Variants in PTPRQ observed in about 807,000 individuals in gnomAD.
PTPRQ encodes the protein phosphatidylinositol phosphatase PTPRQ.
Under a neutral mutation model 246.0 loss-of-function variants are expected in PTPRQ, and 199 were observed. That is an observed-to-expected ratio of 0.81 (90% CI 0.72 to 0.91). PTPRQ has a LOEUF of 0.91. Among genes scored for constraint, PTPRQ ranks in the 40% least tolerant of loss-of-function variants. PTPRQ has a pLI of 0.00. For synonymous variants in PTPRQ, 869 were observed against 853.2 expected (o/e 1.02, Z -0.32); for missense variants, 2,624 against 2,528.4 (o/e 1.04, Z -0.81).
intron 25 of PTPRQ, among the ~76,000 whole-genome samples, chr12:80,574,237 C>T (rs1256777700): frequency 6.6e-6 from 1 of 152,054 alleles, no homozygotes; most frequent in Non-Finnish European, 1.5e-5. Context: ...TCGTGGTTTG[C>T]ATCATATATC....
chr12:80,590,178 G>A (rs1244590271), intron 26 of PTPRQ, among the ~76,000 whole-genome samples: 2 of 151,964 alleles, frequency 1.3e-5, no homozygotes, highest in Admixed American at 1.3e-4. Context: ...GAAAATCCAG[G>A]CACTGTTCCT....
rs1455204896 is a variant in PTPRQ, at chr12:80,468,729, A to G, written c.930A>G (p.Gln310=). The G allele has an allele frequency of 1.3e-6, 2 of 1,547,098 alleles. No individual in the cohort carries two copies. The highest frequency in any genetic ancestry group is 2.7e-5 in the African/African-American group (2 of 72,960). ...TTTTAGTGCCTGAAGGACCACCACA[A>G]AACTGCGTAACAGGCAACATCACAG... The part of the protein sequence containing the change: ...TPESVPEGPP[Q]NCVTGNITGK... Residue 310 remains glutamine, a synonymous_variant, in exon 7 of 45, where the codon CAA becomes CAG. Transcript: ENST00000644991.
intron 5 of PTPRQ, among the ~76,000 whole-genome samples, chr12:80,460,318 A>T (rs1211369417): frequency 6.6e-6 from 1 of 152,220 alleles, no homozygotes; most frequent in Non-Finnish European, 1.5e-5. Flanking sequence ...GAACATACAC[A>T]AGAGTAAAAT....
intron 17 of PTPRQ, among the ~76,000 whole-genome samples, chr12:80,527,025 A>C (rs1895707092): frequency 6.6e-6 from 1 of 152,160 alleles, no homozygotes; most frequent in Admixed American, 6.6e-5. Flanking sequence ...TATATTTTAA[A>C]GCTTGCTATA....
At chr12:80,649,770 G>A in intron 37 of PTPRQ, 101 bp downstream of exon 37, 1 of 1,414,932 alleles carries the variant, frequency 7.1e-7, no homozygotes, top group South Asian at 1.7e-5. Flanking sequence ...AAGGACTCTG[G>A]CCTTGATAAT....
intron 33 of PTPRQ, among the ~76,000 whole-genome samples, chr12:80,624,007 G>C (rs1899100690): frequency 6.6e-6 from 1 of 152,142 alleles, no homozygotes; most frequent in African/African-American, 2.4e-5. Flanking sequence ...TCCACTCACA[G>C]TCAAGGTGGT....
intron 30 of PTPRQ, among the ~76,000 whole-genome samples, chr12:80,616,940 T>C (rs543822781): frequency 3.3e-5 from 5 of 151,324 alleles, no homozygotes; most frequent in South Asian, 2.1e-4. Flanking sequence ...ATGCCATCTC[T>C]CTAAAAATGT....
chr12:80,481,426 T>C (rs1192669502), intron 8 of PTPRQ, among the ~76,000 whole-genome samples: 1 of 152,152 alleles, frequency 6.6e-6, no homozygotes, highest in Non-Finnish European at 1.5e-5. Flanking sequence ...TCATACTGAA[T>C]GGGCAAAAAC....
intron 25 of PTPRQ, among the ~76,000 whole-genome samples, chr12:80,571,721 T>C (rs1356389619): frequency 6.6e-6 from 1 of 151,174 alleles, no homozygotes; most frequent in African/African-American, 2.4e-5. Context: ...TGATTCAAAG[T>C]TTTTTTTTGT....
At chr12:80,473,242 T>A (rs926575138) in intron 8 of PTPRQ, among the ~76,000 whole-genome samples, 1 of 152,258 alleles carries the variant, frequency 6.6e-6, no homozygotes, top group Non-Finnish European at 1.5e-5. Flanking sequence ...TATATAGTTT[T>A]AGAATACATA....
chr12:80,480,345 A>G (rs534924343), intron 8 of PTPRQ, among the ~76,000 whole-genome samples: 95 of 152,268 alleles, frequency 6.2e-4, no homozygotes, highest in Middle Eastern at 3.4e-3. Flanking sequence ...GACACAACAT[A>G]CCAGAATATC....
chr12:80,671,974 C>T (rs1419579860), intron 42 of PTPRQ, among the ~76,000 whole-genome samples: 2 of 152,044 alleles, frequency 1.3e-5, no homozygotes, highest in Non-Finnish European at 2.9e-5. Flanking sequence ...CATTTTGCTT[C>T]TTCTGGCTAC....
chr12:80,588,190 A>G lies in PTPRQ; in HGVS notation c.4347A>G (p.Thr1449=). ...SDVQSTSATL[T]WIRPDTILGY... is the part of the protein sequence containing the mutation. Reference sequence around the variant, plus strand: ...TTCAGTCAACTAGTGCAACATTGACATGGATAAGACCTGACACTATCCTTG... The same window carrying G: ...TTCAGTCAACTAGTGCAACATTGACGTGGATAAGACCTGACACTATCCTTG... The change falls in exon 26 of 45, where the codon ACA becomes ACG. Residue 1449 remains threonine (T), a synonymous_variant. Coordinates refer to ENST00000644991, the MANE Select transcript of PTPRQ (RefSeq NM_001145026.2). The G allele has an allele frequency of 1.9e-6, 3 of 1,550,464 alleles. No homozygotes were observed. Among genetic ancestry groups the G allele is most frequent in the Non-Finnish European group, 1.7e-6 (2 of 1,146,292 alleles).
At chr12:80,616,766 A>C (rs1898779363) in intron 30 of PTPRQ, among the ~76,000 whole-genome samples, 2 of 151,226 alleles carry the variant, frequency 1.3e-5, no homozygotes, top group African/African-American at 4.8e-5. Context: ...GATTCTGGCA[A>C]GTATTTTTTA....
intron 6 of PTPRQ, among the ~76,000 whole-genome samples, chr12:80,467,840 C>T (rs889581327): frequency 2.0e-4 from 30 of 151,946 alleles, no homozygotes; most frequent in African/African-American, 6.8e-4. Flanking sequence ...GGGAACATCA[C>T]ACTCTGGGGA....
intron 8 of PTPRQ, among the ~76,000 whole-genome samples, chr12:80,478,203 C>A (rs1305856800): frequency 6.7e-6 from 1 of 148,528 alleles, no homozygotes; most frequent in African/African-American, 2.6e-5. Flanking sequence ...AAACTGCCTC[C>A]TCAAGTGGGT....
intron 9 of PTPRQ, among the ~76,000 whole-genome samples, chr12:80,489,460 C>G (rs1376743297): frequency 6.6e-6 from 1 of 151,980 alleles, no homozygotes; most frequent in Non-Finnish European, 1.5e-5. Flanking sequence ...TTTGCAGTAA[C>G]AACAATAATA....
intron 25 of PTPRQ, among the ~76,000 whole-genome samples, chr12:80,570,196 C>G (rs1210762690): frequency 6.6e-6 from 1 of 152,200 alleles, no homozygotes; most frequent in Non-Finnish European, 1.5e-5. Flanking sequence ...TACACTCCTA[C>G]GAACAGTATA....
chr12:80,657,936 T>C, intron 38 of PTPRQ, 49 bp from the exon 39 acceptor site: 2 of 1,281,616 alleles, frequency 1.6e-6, no homozygotes, highest in Non-Finnish European at 2.1e-6. Flanking sequence ...AAAAAAGTAG[T>C]AACAATTTAA....
Sources: gnomAD v4.1 joint callset for allele counts (sites outside exome capture counted in the v4.1 genomes callset) on GRCh38, gnomAD v4.1.1 for gene constraint, MANE v1.5 for transcripts, NCBI Gene and HGNC (gene_info 2026-07-23, HGNC 2026-07-21) for gene names.